Variants in PTCD3 observed in about 807,000 individuals in gnomAD.
PTCD3 encodes small ribosomal subunit protein mS39.
In PTCD3, 89 loss-of-function variants were observed where a neutral mutation model predicts 101.9. The ratio of observed to expected loss-of-function variants is 0.87; its 90% CI spans 0.74 to 1.04. PTCD3 has a LOEUF of 1.04. Among genes scored for constraint, PTCD3 ranks in the 50% least tolerant of loss-of-function variants. PTCD3 has a pLI of 0.00. For missense variants in PTCD3, 870 were observed against 828.2 expected, an observed-to-expected ratio of 1.05 and a Z score of -0.62; for synonymous variants, 296 against 278.5, an observed-to-expected ratio of 1.06 and a Z score of -0.63.
chr2:86,136,911 C>A, intron 22 of PTCD3, 71 bp from the exon 23 acceptor site: 4 of 1,554,716 alleles, frequency 2.6e-6, no homozygotes, highest in Non-Finnish European at 3.5e-6. Flanking sequence ...ACTGAACTTA[C>A]ACTGGATCTT....
At position 86,125,519 on chromosome 2, in the gene PTCD3, A is replaced by T; in HGVS notation, c.865+4A>T. 1 of 1,603,650 alleles carries T rather than the reference A, an allele frequency of 6.2e-7. No individual in the cohort carries two copies. Among genetic ancestry groups the T allele is most frequent in the Non-Finnish European group, 8.5e-7 (1 of 1,170,506 alleles). On this transcript the variant is annotated splice_donor_region_variant and intron_variant, in intron 11 of 23. Transcript: ENST00000254630. Reference sequence around the variant, plus strand: ...TTACTAAACAACAGACTCCATGGTGAGTTTGAGAACTCCCCTCTGTCCCTT... The same window carrying T: ...TTACTAAACAACAGACTCCATGGTGTGTTTGAGAACTCCCCTCTGTCCCTT...
chr2:86,120,480 C>T (rs1558796174), intron 7 of PTCD3, among the ~76,000 whole-genome samples: 1 of 152,174 alleles, frequency 6.6e-6, no homozygotes, highest in Non-Finnish European at 1.5e-5. Context: ...GGTCTCATAG[C>T]TTTGAGATAG....
intron 8 of PTCD3, among the ~76,000 whole-genome samples, chr2:86,122,889 A>G (rs556898584): frequency 6.6e-6 from 1 of 152,298 alleles, no homozygotes; most frequent in South Asian, 2.1e-4. Flanking sequence ...GACCTCTGCA[A>G]TGCCAACCAA....
At chr2:86,111,054 G>C in intron 3 of PTCD3, 59 bp from the exon 4 acceptor site, 2 of 1,463,934 alleles carry the variant, frequency 1.4e-6, no homozygotes, top group Non-Finnish European at 9.6e-7. Context: ...AGAATCACTT[G>C]TTCGGTTTGT....
intron 8 of PTCD3, 75 bp downstream of exon 8, chr2:86,121,669 GGTT>G: frequency 1.1e-6 from 1 of 938,100 alleles, no homozygotes; most frequent in Non-Finnish European, 1.6e-6. Flanking sequence ...AAATAAGATG[GGTT>G]GTTTTGCCAT....
At chr2:86,111,354 C>T (rs1254470800) in intron 4 of PTCD3, among the ~76,000 whole-genome samples, 196 bp downstream of exon 4, 3 of 151,910 alleles carry the variant, frequency 2.0e-5, no homozygotes, top group South Asian at 2.1e-4. Flanking sequence ...TTTGGGAGGC[C>T]GAGGCAGGTG....
intron 4 of PTCD3, among the ~76,000 whole-genome samples, chr2:86,113,056 C>T (rs1434270639): frequency 6.6e-6 from 1 of 152,166 alleles, no homozygotes; most frequent in Non-Finnish European, 1.5e-5. Flanking sequence ...TACTTTACCT[C>T]TTGATACTTC....
chr2:86,133,107 T>A, intron 17 of PTCD3, 71 bp from the exon 18 acceptor site: 1 of 1,551,416 alleles, frequency 6.4e-7, no homozygotes, highest in Non-Finnish European at 8.7e-7. Context: ...ATGCTATAAT[T>A]TCAACCCTTA....
rs549939931 is a variant in PTCD3, at chr2:86,125,382, A to C, written c.805-73A>C. ...CTATTGAGCCTGAGCTATATTACCA[A>C]ACTCTAGGACAGAAATGTGCAAGGA... On this transcript the variant is annotated intron_variant, in intron 10 of 23. Coordinates refer to ENST00000254630, the MANE Select transcript of PTCD3 (RefSeq NM_017952.6). 7 of 1,476,466 alleles carry C rather than the reference A, an allele frequency of 4.7e-6. No homozygotes were observed. In the East Asian group the frequency reaches 1.1e-4, roughly 24 times the overall value. The allele number at this position is 1,476,466 out of a possible 1,614,324, so 91.5% of individuals were successfully genotyped here.
At chr2:86,107,209 C>T (rs1433923147) in intron 1 of PTCD3, 1 of 471,172 alleles carries the variant, frequency 2.1e-6, no homozygotes, top group East Asian at 6.9e-5. Context: ...TGGTAGCCAT[C>T]GTTAGCATTT....
intron 3 of PTCD3, 84 bp from the exon 4 acceptor site, chr2:86,111,029 C>A: frequency 8.2e-7 from 1 of 1,214,054 alleles, no homozygotes; most frequent in Non-Finnish European, 1.2e-6. Context: ...TGTTATTGGC[C>A]AGTACACTGA....
intron 19 of PTCD3, 151 bp downstream of exon 19, chr2:86,133,587 C>A: frequency 1.2e-6 from 1 of 802,512 alleles, no homozygotes; most frequent in Non-Finnish European, 1.9e-6. Context: ...GTCATGTGCT[C>A]ATGTTGCATG....
intron 4 of PTCD3, among the ~76,000 whole-genome samples, chr2:86,113,173 T>C (rs1291779792): frequency 6.6e-6 from 1 of 152,230 alleles, no homozygotes; most frequent in Non-Finnish European, 1.5e-5. Flanking sequence ...GGATAGAGTC[T>C]GGGACAAAGG....
In PTCD3 at chr2:86,140,347, G is replaced by A. The variant is rs1674661962; in HGVS notation, c.*2788G>A. The A allele has an allele frequency of 6.6e-6, 1 of 152,164 alleles. No homozygotes were observed. The highest frequency in any genetic ancestry group is 1.5e-5 in the Non-Finnish European group (1 of 68,036). 9.4% of individuals were successfully genotyped at this position (152,164 alleles called of 1,614,324 possible). A position where few individuals can be genotyped will look rare whatever the true frequency, so the allele number is the denominator to read the frequency against. On this transcript the variant is annotated 3_prime_UTR_variant, in exon 24 of 24. Transcript: ENST00000254630. ...CTATGTACCCATATTCTCTAAGACA[G>A]GGTAGCATTTGTCTTTCAAACTGCA...
intron 14 of PTCD3, 94 bp downstream of exon 14, chr2:86,128,085 T>A: frequency 9.4e-7 from 1 of 1,061,622 alleles, no homozygotes; most frequent in Non-Finnish European, 1.4e-6. Context: ...CTTCTCTGCA[T>A]ATGAATTAAG....
At position 86,127,236 on chromosome 2, in the gene PTCD3, C is replaced by G; in HGVS notation, c.1027C>G (p.Arg343Gly). 1 of 1,613,738 alleles carries G rather than the reference C, an allele frequency of 6.2e-7. No homozygotes were observed. ...QTFNTILKCL[R>G]RFHVFARSPA... ...TTTTAATACCATTCTGAAATGTCTC[C>G]GAAGATTTCATGTGTTTGCAAGATC... The change falls in exon 13 of 24, where the codon CGA becomes GGA. Residue 343 changes from arginine (R) to glycine (G), a missense_variant. Physicochemically the swap from Arg to Gly is moderately radical, Grantham distance 125 (BLOSUM62 -2). Coordinates refer to ENST00000254630, the MANE Select transcript of PTCD3 (RefSeq NM_017952.6).
In PTCD3 at chr2:86,132,316, A is replaced by G. The variant is rs1189948669; in HGVS notation, c.1267-2A>G. 1.3e-6 allele frequency: 2 copies of G among 1,567,556 alleles called. No homozygotes were observed. Among genetic ancestry groups the G allele is most frequent in the Non-Finnish European group, 1.8e-6 (2 of 1,140,732 alleles). On this transcript the variant is annotated splice_acceptor_variant, in intron 16 of 23. Coordinates refer to ENST00000254630, the MANE Select transcript of PTCD3 (RefSeq NM_017952.6). LOFTEE classifies it high-confidence loss of function. ...TGATACTTACTACTTGCATATTTTC[A>G]GTGCTCATCTCTCAGAGATCTAGAA...
Position 86,134,431 on chromosome 2 carries a change from G to A in PTCD3, c.1629+54G>A, listed in dbSNP as rs890530225. The A allele has an allele frequency of 3.5e-6, 5 of 1,443,736 alleles. No individual in the cohort carries two copies. In the African/African-American group the frequency reaches 5.6e-5, roughly 16 times the overall value. The allele number at this position is 1,443,736 out of a possible 1,614,324, so 89.4% of individuals were successfully genotyped here. A position where few individuals can be genotyped will look rare whatever the true frequency, so the allele number is the denominator to read the frequency against. On this transcript the variant is annotated intron_variant, in intron 20 of 23. Transcript: ENST00000254630. ...TCCTCCCATACTGAGGTCTTCTTAA[G>A]GCTAGCTTCCCTGGTTTTATCTGCC... is the stretch of plus-strand genomic sequence containing the variant.
chr2:86,128,978 T>A (rs1460392584), intron 14 of PTCD3, among the ~76,000 whole-genome samples: 1 of 152,236 alleles, frequency 6.6e-6, no homozygotes, highest in Admixed American at 6.5e-5. Context: ...TTCTAGTCAT[T>A]CTTTCTTGTG....
Sources: gnomAD v4.1 joint callset for allele counts (sites outside exome capture counted in the v4.1 genomes callset) on GRCh38, gnomAD v4.1.1 for gene constraint, MANE v1.5 for transcripts, NCBI Gene and HGNC (gene_info 2026-07-23, HGNC 2026-07-21) for gene names.